Variants in MS4A12 observed in about 807,000 individuals in gnomAD.
The protein encoded by MS4A12 is membrane-spanning 4-domains subfamily A member 12.
A neutral mutation model predicts 23.7 loss-of-function variants in MS4A12; 28 were observed. The observed-to-expected ratio is 1.18, with a 90% CI of 0.88 to 1.62. MS4A12 has a LOEUF of 1.62. MS4A12 is among the 40% of genes most tolerant of loss of function. The pLI, the probability that MS4A12 is intolerant of heterozygous loss-of-function variation, is 0.00. For synonymous variants in MS4A12, 108 were observed against 110.1 expected (o/e 0.98, Z 0.12); for missense variants, 342 against 327.0 (o/e 1.05, Z -0.35).
chr11:60,505,610 A>G (rs1178719923), intron 5 of MS4A12, among the ~76,000 whole-genome samples: 1 of 152,196 alleles, frequency 6.6e-6, no homozygotes, highest in Non-Finnish European at 1.5e-5. Flanking sequence ...CAGCTTTTAG[A>G]CCTGGCTCTT....
In MS4A12 at chr11:60,492,813, G is replaced by T. The variant is rs976255870; in HGVS notation, c.-22G>T. 2 of 152,180 alleles carry T rather than the reference G, an allele frequency of 1.3e-5. No individual in the cohort carries two copies. The highest frequency in any genetic ancestry group is 4.8e-5 in the African/African-American group (2 of 41,416). The allele number at this position is 152,180 out of a possible 1,614,324, so 9.4% of individuals were successfully genotyped here. On this transcript the variant is annotated 5_prime_UTR_variant, in exon 1 of 7. Transcript: ENST00000016913. ...GAGCAGAGAAAGAGGAAACATAGAGGTGCCAAAGGAACAAAGTAAGTCCAT... is the reference window on the plus strand; with the variant it reads ...GAGCAGAGAAAGAGGAAACATAGAGTTGCCAAAGGAACAAAGTAAGTCCAT...
intron 4 of MS4A12, 108 bp downstream of exon 4, chr11:60,502,147 C>T: frequency 8.8e-7 from 1 of 1,138,958 alleles, no homozygotes; most frequent in Non-Finnish European, 1.3e-6. Flanking sequence ...GAGCACCTTT[C>T]CCAAAAAAAA....
intron 6 of MS4A12, 43 bp downstream of exon 6, chr11:60,506,881 T>C (rs200314243): frequency 6.3e-7 from 1 of 1,575,346 alleles, no homozygotes; most frequent in African/African-American, 1.3e-5. Context: ...GAAAATGCCC[T>C]GGAGAAATAC....
intron 5 of MS4A12, among the ~76,000 whole-genome samples, chr11:60,505,462 G>A (rs1305730106): frequency 6.6e-6 from 1 of 152,082 alleles, no homozygotes; most frequent in Admixed American, 6.6e-5. Flanking sequence ...AAATAAGGCA[G>A]AGTGAAGCAA....
At chr11:60,502,616 C>T (rs924703497) in intron 4 of MS4A12, among the ~76,000 whole-genome samples, 16 of 152,082 alleles carry the variant, frequency 1.1e-4, no homozygotes, top group Non-Finnish European at 2.4e-4. Flanking sequence ...ATTCCAATTT[C>T]GTGGTCTACT....
chr11:60,501,129 G>A lies in MS4A12; in HGVS notation c.361G>A (p.Gly121Ser). 1 of 1,613,548 alleles carries A rather than the reference G, an allele frequency of 6.2e-7. No individual in the cohort carries two copies. Among genetic ancestry groups the A allele is most frequent in the Non-Finnish European group, 8.5e-7 (1 of 1,179,804 alleles). Residue 121 changes from glycine (G) to serine (S), a missense_variant, in exon 3 of 7, where the codon GGT (glycine) becomes AGT (serine). Transcript: ENST00000016913. ...LISFSFREVL[G>S]FASTAVIGGY... ...ATCCTTCTCTTTTAGAGAAGTATTA[G>A]GTTTTGCCTCTACTGCTGTTATTGG...
At chr11:60,493,797 T>C (rs2086467111) in intron 1 of MS4A12, among the ~76,000 whole-genome samples, 1 of 152,164 alleles carries the variant, frequency 6.6e-6, no homozygotes, top group Non-Finnish European at 1.5e-5. Flanking sequence ...AGCATGAAAA[T>C]GAGGTAGAAA....
intron 5 of MS4A12, among the ~76,000 whole-genome samples, chr11:60,504,866 T>G (rs1174685581): frequency 4.6e-5 from 7 of 152,208 alleles, no homozygotes; most frequent in Non-Finnish European, 1.0e-4. Context: ...TCCCATCAGA[T>G]GCGTGTCCCC....
chr11:60,494,864 C>T (rs568058836), intron 1 of MS4A12, among the ~76,000 whole-genome samples: 2 of 152,268 alleles, frequency 1.3e-5, no homozygotes, highest in African/African-American at 4.8e-5. Context: ...GAAACCAGAT[C>T]CATAGGATGT....
rs1357430027 is a variant in MS4A12, at chr11:60,497,380, C to T, written c.62C>T (p.Pro21Leu). The change falls in exon 2 of 7, where the codon CCA (proline) becomes CTA (leucine). Residue 21 changes from proline to leucine, a missense_variant. Coordinates refer to ENST00000016913, the MANE Select transcript of MS4A12 (RefSeq NM_017716.3). ...EVNETIPNPY[P>L]PSSFMAPGFQ... ...AATGAAACCATACCCAACCCTTACC[C>T]ACCAAGCAGCTTTATGGCTCCTGGA... 3.7e-6 allele frequency: 6 copies of T among 1,614,076 alleles called. No individual in the cohort carries two copies. The highest frequency in any genetic ancestry group is 5.1e-6 in the Non-Finnish European group (6 of 1,180,042).
intron 1 of MS4A12, among the ~76,000 whole-genome samples, chr11:60,493,897 TCTTATA>T (rs1319350249): frequency 1.3e-5 from 2 of 152,232 alleles, no homozygotes; most frequent in African/African-American, 4.8e-5. Context: ...ATTGCTTTAG[TCTTATA>T]CTTTTGATCT....
intron 2 of MS4A12, chr11:60,498,117 ACT>A (rs1382428704): frequency 1.3e-5 from 2 of 152,726 alleles, no homozygotes; most frequent in African/African-American, 4.8e-5. Context: ...TACAAAGGAG[ACT>A]CTGAACTGAC....
chr11:60,494,858 C>A (rs2086475788), intron 1 of MS4A12, among the ~76,000 whole-genome samples: 2 of 152,152 alleles, frequency 1.3e-5, no homozygotes, highest in Non-Finnish European at 2.9e-5. Context: ...GCCACCGAAA[C>A]CAGATCCATA....
chr11:60,498,030 T>C (rs1022579039), intron 2 of MS4A12: 12 of 166,932 alleles, frequency 7.2e-5, no homozygotes, highest in African/African-American at 2.4e-4. Flanking sequence ...TGTGAAAGAA[T>C]TGGGGGACAT....
rs761679169 is a variant in MS4A12, at chr11:60,501,160, A to G, written c.392A>G (p.Tyr131Cys). 1 of 1,611,644 alleles carries G rather than the reference A, an allele frequency of 6.2e-7. No homozygotes were observed. Residue 131 changes from tyrosine to cysteine, a missense_variant, in exon 3 of 7, where the codon TAC becomes TGC. Physicochemically the swap from Tyr to Cys is radical, Grantham distance 194. Transcript: ENST00000016913. ...GFASTAVIGG[Y>C]PFWGGLSFII... Reference sequence around the variant, plus strand: ...GCCTCTACTGCTGTTATTGGTGGATACCCATTCTGGGGTGGCCTTTCTGTG... The same window carrying G: ...GCCTCTACTGCTGTTATTGGTGGATGCCCATTCTGGGGTGGCCTTTCTGTG...
intron 2 of MS4A12, among the ~76,000 whole-genome samples, chr11:60,499,976 A>T (rs978566976): frequency 1.3e-5 from 2 of 152,230 alleles, no homozygotes; most frequent in East Asian, 1.9e-4. Context: ...GCAACTTTTT[A>T]AAAAAGGACA....
chr11:60,503,058 C>T (rs756436754), intron 4 of MS4A12, among the ~76,000 whole-genome samples: 2 of 152,164 alleles, frequency 1.3e-5, no homozygotes, highest in Non-Finnish European at 2.9e-5. Context: ...CCACCCCTAG[C>T]AAGTCACCTG....
intron 6 of MS4A12, 75 bp downstream of exon 6, chr11:60,506,913 T>C (rs931042403): frequency 1.0e-4 from 159 of 1,533,796 alleles, no homozygotes; most frequent in Non-Finnish European, 1.3e-4. Context: ...TGCTAAATCC[T>C]ACTATCGGCT....
At chr11:60,502,598 C>T (rs2086539447) in intron 4 of MS4A12, among the ~76,000 whole-genome samples, 2 of 152,132 alleles carry the variant, frequency 1.3e-5, no homozygotes. Context: ...GGTCACAGCA[C>T]CCCACCTATT....
Sources: allele counts gnomAD v4.1 joint callset (sites outside exome capture counted in the v4.1 genomes callset), GRCh38; gene constraint gnomAD v4.1.1; transcripts MANE v1.5; gene names NCBI Gene and HGNC (gene_info 2026-07-23, HGNC 2026-07-21).